Variants in GPC6 observed in about 807,000 individuals in gnomAD.
The protein encoded by GPC6 is glypican-6.
Under a neutral mutation model 55.2 loss-of-function variants are expected in GPC6, and 14 were observed. The observed-to-expected ratio is 0.25, with a 90% CI of 0.17 to 0.40. The LOEUF (loss-of-function observed/expected upper bound fraction) is 0.40. GPC6 is among the 10% of genes least tolerant of loss of function. GPC6 has a pLI of 1.00. For missense variants in GPC6, 641 were observed against 708.5 expected (o/e 0.90, Z 1.08); for synonymous variants, 278 against 259.6 (o/e 1.07, Z -0.68).
At chr13:93,867,316 G>A (rs1357136327) in intron 3 of GPC6, among the ~76,000 whole-genome samples, 1 of 151,714 alleles carries the variant, frequency 6.6e-6, no homozygotes, top group Non-Finnish European at 1.5e-5. Context: ...CTCTAACATT[G>A]AGGTAGGGCA....
chr13:94,290,924 G>T (rs1874926832), intron 5 of GPC6, among the ~76,000 whole-genome samples: 1 of 152,176 alleles, frequency 6.6e-6, no homozygotes, highest in Admixed American at 6.5e-5. Flanking sequence ...GGGCATGGTG[G>T]TTCACACCTA....
chr13:94,148,179 A>T lies in GPC6; in HGVS notation c.877+120285A>T, dbSNP rs188214865. On this transcript the variant is annotated intron_variant, in intron 4 of 8. Coordinates refer to ENST00000377047, the MANE Select transcript of GPC6 (RefSeq NM_005708.5). ...TGATCATTATCCTGAAATAAATCCA[A>T]ATTAAATTTTATGAACCAGGATTGA... Among the ~76,000 whole-genome samples the T allele has an allele frequency of 5.3e-5, 8 of 152,284 alleles. No individual in the cohort carries two copies. In the East Asian group the frequency reaches 1.5e-3, roughly 29 times the overall value.
intron 2 of GPC6, among the ~76,000 whole-genome samples, chr13:93,717,337 G>T (rs1883286624): frequency 6.6e-6 from 1 of 151,614 alleles, no homozygotes; most frequent in African/African-American, 2.4e-5. Flanking sequence ...TGATTTAAGT[G>T]TAAATAAGTT....
At chr13:93,229,669 A>G (rs1325903774) in intron 1 of GPC6, among the ~76,000 whole-genome samples, 3 of 150,526 alleles carry the variant, frequency 2.0e-5, no homozygotes, top group Non-Finnish European at 3.0e-5. Context: ...CCTTTTTACA[A>G]TTACAGTGTT....
intron 2 of GPC6, among the ~76,000 whole-genome samples, chr13:93,573,701 GT>G: frequency 6.6e-6 from 1 of 152,148 alleles, no homozygotes; most frequent in Non-Finnish European, 1.5e-5. Context: ...CCTCTTTTAT[GT>G]AGCTTCTGGA....
chr13:93,714,557 A>T (rs1883185449), intron 2 of GPC6, among the ~76,000 whole-genome samples: 1 of 151,902 alleles, frequency 6.6e-6, no homozygotes, highest in Admixed American at 6.6e-5. Context: ...GAGAGCTACC[A>T]TTTGACCCAG....
intron 1 of GPC6, among the ~76,000 whole-genome samples, chr13:93,498,611 C>T (rs779074655): frequency 4.6e-5 from 7 of 152,094 alleles, no homozygotes; most frequent in Non-Finnish European, 1.0e-4. Context: ...GCTTCTTCCT[C>T]ATTTTTCCCC....
intron 4 of GPC6, among the ~76,000 whole-genome samples, chr13:94,132,085 G>T (rs145015279): frequency 6.6e-6 from 1 of 152,142 alleles, no homozygotes; most frequent in Non-Finnish European, 1.5e-5. Context: ...GGAGAACACT[G>T]GTGGAGAAAG....
Position 93,666,341 on chromosome 13 carries a change from C to CT in GPC6, c.319+120923dup, listed in dbSNP as rs572807130. Among the ~76,000 whole-genome samples, 418 of 150,948 alleles carry CT rather than the reference C, an allele frequency of 2.8e-3. 5 individuals are homozygous for CT. The highest frequency in any genetic ancestry group is 9.8e-3 in the African/African-American group (402 of 41,126). On this transcript the variant is annotated intron_variant, in intron 2 of 8. Coordinates refer to ENST00000377047, the MANE Select transcript of GPC6 (RefSeq NM_005708.5). ...CTTTAAATTTGATTTTCAATTTATA[C>CT]TTTAAAAAAAAAAAGGTCAAATGAA...
intron 3 of GPC6, among the ~76,000 whole-genome samples, chr13:93,871,662 T>G (rs1889137047): frequency 6.6e-6 from 1 of 151,946 alleles, no homozygotes; most frequent in Non-Finnish European, 1.5e-5. Flanking sequence ...CTTCAGTGAG[T>G]TCCACTTTTT....
chr13:94,337,956 C>T (rs1026338317), intron 6 of GPC6, among the ~76,000 whole-genome samples: 15 of 152,116 alleles, frequency 9.9e-5, no homozygotes, highest in African/African-American at 2.7e-4. Flanking sequence ...CCATGACCTT[C>T]GAGGGCACAC....
chr13:93,890,303 G>T lies in GPC6; in HGVS notation c.711+59758G>T, dbSNP rs187071451. ...GTAGGTTTACCTTAGGTAATTTCTTGTAGCCATGCACAGGTTCCTTATCTT... is the reference window on the plus strand; with the variant it reads ...GTAGGTTTACCTTAGGTAATTTCTTTTAGCCATGCACAGGTTCCTTATCTT... On this transcript the variant is annotated intron_variant, in intron 3 of 8. Coordinates refer to ENST00000377047, the MANE Select transcript of GPC6 (RefSeq NM_005708.5). Among the ~76,000 whole-genome samples the T allele has an allele frequency of 3.9e-5, 6 of 152,172 alleles. No individual in the cohort carries two copies. The East Asian group carries it at 1.2e-3, about 29-fold the overall frequency.
chr13:94,073,584 G>A (rs1385438558), intron 4 of GPC6, among the ~76,000 whole-genome samples: 1 of 152,006 alleles, frequency 6.6e-6, no homozygotes, highest in African/African-American at 2.4e-5. Context: ...CATGAACCTC[G>A]GGTTATAGAA....
At chr13:93,999,137 C>T (rs1015655765) in intron 3 of GPC6, among the ~76,000 whole-genome samples, 7 of 152,092 alleles carry the variant, frequency 4.6e-5, no homozygotes, top group South Asian at 2.1e-4. Flanking sequence ...CCATCAACCC[C>T]GTCACCTACA....
chr13:93,654,454 A>C (rs945786072), intron 2 of GPC6, among the ~76,000 whole-genome samples: 1 of 151,882 alleles, frequency 6.6e-6, no homozygotes, highest in African/African-American at 2.4e-5. Context: ...TAGCCTCCAG[A>C]GTAACTGGGA....
At chr13:93,582,442 G>A (rs1410833133) in intron 2 of GPC6, among the ~76,000 whole-genome samples, 3 of 152,060 alleles carry the variant, frequency 2.0e-5, no homozygotes, top group African/African-American at 7.2e-5. Flanking sequence ...ATTTTGTTAA[G>A]CAAATTAAAA....
chr13:94,043,038 G>A (rs1030323660), intron 4 of GPC6, among the ~76,000 whole-genome samples: 1 of 151,782 alleles, frequency 6.6e-6, no homozygotes, highest in African/African-American at 2.4e-5. Flanking sequence ...TTTGTACATT[G>A]GGAGCTCCTT....
In GPC6 at chr13:94,005,782, C is replaced by T. The variant is rs534613896; in HGVS notation, c.712-21947C>T. ...TCCCATCCCGTTCCATCTGGCTTATCTCCTTCTGCCTCTTCTGATGCCATT... is the reference window on the plus strand; with the variant it reads ...TCCCATCCCGTTCCATCTGGCTTATTTCCTTCTGCCTCTTCTGATGCCATT... On this transcript the variant is annotated intron_variant, in intron 3 of 8. Coordinates refer to ENST00000377047, the MANE Select transcript of GPC6 (RefSeq NM_005708.5). Among the ~76,000 whole-genome samples the T allele has an allele frequency of 8.5e-5, 13 of 152,286 alleles. No homozygotes were observed. In the South Asian group the frequency reaches 2.7e-3, roughly 32 times the overall value.
intron 2 of GPC6, among the ~76,000 whole-genome samples, chr13:93,717,307 T>G (rs1394987263): frequency 6.6e-6 from 1 of 151,696 alleles, no homozygotes; most frequent in Non-Finnish European, 1.5e-5. Context: ...TTTTTAAAAT[T>G]AGAGTCTTCT....
Sources: allele counts gnomAD v4.1 joint callset (sites outside exome capture counted in the v4.1 genomes callset), GRCh38; gene constraint gnomAD v4.1.1; transcripts MANE v1.5; gene names NCBI Gene and HGNC (gene_info 2026-07-23, HGNC 2026-07-21).